DENND4B: variants seen among roughly 807,000 people sequenced by gnomAD.
The protein encoded by DENND4B is DENN domain containing 4B.
Under a neutral mutation model 161.0 loss-of-function variants are expected in DENND4B, and 67 were observed. The observed-to-expected ratio is 0.42, with a 90% CI of 0.34 to 0.51. The LOEUF is 0.51. Among genes scored for constraint, DENND4B ranks in the 20% least tolerant of loss-of-function variants. The pLI, the probability that DENND4B is intolerant of heterozygous loss-of-function variation, is 0.08. For missense variants in DENND4B, 1,481 were observed against 1,968.0 expected (o/e 0.75, Z 4.68); for synonymous variants, 753 against 813.8 (o/e 0.93, Z 1.27).
In DENND4B at chr1:153,941,362, C is replaced by T; in HGVS notation, c.1122+12G>A. ...CTCCTTCCATCAGCCCGGCCCCAGC[C>T]TCAGCTCTCACCTGCACTAGGATGC... On this transcript the variant is annotated intron_variant, in intron 7 of 27. Coordinates refer to ENST00000361217, the MANE Select transcript of DENND4B (RefSeq NM_014856.3). 6.2e-7 allele frequency: 1 copy of T among 1,613,572 alleles called. No individual in the cohort carries two copies. The highest frequency in any genetic ancestry group is 8.5e-7 in the Non-Finnish European group (1 of 1,179,748).
At chr1:153,941,732 T>C in intron 6 of DENND4B, 137 bp downstream of exon 6, 6 of 1,431,158 alleles carry the variant, frequency 4.2e-6, no homozygotes, top group Non-Finnish European at 5.6e-6. Flanking sequence ...GTGGATAAAC[T>C]GTATAACCAC....
At chr1:153,946,805 C>T (rs896928058), upstream of DENND4B, 3 of 362,362 alleles carry the variant, frequency 8.3e-6, no homozygotes, top group African/African-American at 6.3e-5. The surrounding 1 kb of genome is among the most constrained non-coding windows in gnomAD (Gnocchi z 6.3). Context: ...CCAGCCCGTG[C>T]CTCAGGACAC....
chr1:153,945,017 G>A, intron 1 of DENND4B: 2 of 1,144,552 alleles, frequency 1.7e-6, no homozygotes, highest in Non-Finnish European at 2.3e-6. Context: ...CACACCTCCA[G>A]GATCCTTAGG....
At position 153,936,017 on chromosome 1, in the gene DENND4B, C is replaced by T; in HGVS notation, c.2568+43G>A. ...GCAGCAGCAGCCTCCCCTCACACAC[C>T]CTGGCACAGCTGCCATCCCACCCCT... On this transcript the variant is annotated intron_variant, in intron 17 of 27. Coordinates refer to ENST00000361217, the MANE Select transcript of DENND4B (RefSeq NM_014856.3). The surrounding 1 kb of genome is among the most constrained non-coding windows in gnomAD (Gnocchi z 4.1). 1.9e-6 allele frequency: 3 copies of T among 1,608,494 alleles called. No individual in the cohort carries two copies. In the South Asian group the frequency reaches 3.3e-5, roughly 18 times the overall value.
Position 153,936,400 on chromosome 1 carries a change from GA to G in DENND4B, c.2439+141del. On this transcript the variant is annotated intron_variant, in intron 16 of 27. Transcript: ENST00000361217. This position sits in a 1 kb window ranked among gnomAD's most constrained non-coding sequence, Gnocchi z 4.1. ...CCCTGAACATGCTTATTCACTCGAC[GA>G]ATGTTTATAGATAATCTGCCCAGCT... 8.7e-7 allele frequency: 1 copy of G among 1,150,908 alleles called. No individual in the cohort carries two copies. The highest frequency in any genetic ancestry group is 1.2e-6 in the Non-Finnish European group (1 of 823,412). The allele number at this position is 1,150,908 out of a possible 1,614,324, so 71.3% of individuals were successfully genotyped here.
chr1:153,931,304 G>A (rs1027854064), intron 24 of DENND4B, among the ~76,000 whole-genome samples: 1 of 152,118 alleles, frequency 6.6e-6, no homozygotes, highest in Non-Finnish European at 1.5e-5. Flanking sequence ...CTCAATACTG[G>A]TGGAACGAAT....
Position 153,932,047 on chromosome 1 carries a change from T to C in DENND4B, c.3996+157A>G, listed in dbSNP as rs1678982621. 1.5e-6 allele frequency: 1 copy of C among 654,470 alleles called. No homozygotes were observed. The highest frequency in any genetic ancestry group is 2.9e-5 in the Admixed American group (1 of 34,292). 40.5% of individuals were successfully genotyped at this position (654,470 alleles called of 1,614,324 possible). ...GTCTCGAACTCCTGACCTCAGGTGA[T>C]TCGCCCACCTCGGCCTCCCAAAGTG... On this transcript the variant is annotated intron_variant, in intron 24 of 27. Coordinates refer to ENST00000361217, the MANE Select transcript of DENND4B (RefSeq NM_014856.3). The surrounding 1 kb of genome is among the most constrained non-coding windows in gnomAD (Gnocchi z 5.8).
rs1432187726 is a variant in DENND4B, at chr1:153,944,072, G to A, written c.303C>T (p.Pro101=). ...GGGGCACACACCCCAGCTCAACGAG[G>A]GGGGGCTTGTCACGGCCCCTGCGGT... The part of the protein sequence containing the change: ...ICYRRGRDKP[P]LVELGVLYEG... Residue 101 remains proline (P), a synonymous_variant, in exon 2 of 28, where the codon CCC becomes CCT. Coordinates refer to ENST00000361217, the MANE Select transcript of DENND4B (RefSeq NM_014856.3). This position sits in a 1 kb window ranked among gnomAD's most constrained non-coding sequence, Gnocchi z 4.8. 1 of 1,573,368 alleles carries A rather than the reference G, an allele frequency of 6.4e-7. No individual in the cohort carries two copies. The highest frequency in any genetic ancestry group is 1.2e-5 in the South Asian group (1 of 85,814).
intron 24 of DENND4B, among the ~76,000 whole-genome samples, chr1:153,931,590 T>C (rs545088956): frequency 1.3e-5 from 2 of 148,936 alleles, no homozygotes; most frequent in East Asian, 4.1e-4. Flanking sequence ...CTTCGCCTCC[T>C]GGGTTCACGC....
intron 1 of DENND4B, chr1:153,945,397 G>A (rs1571062660): frequency 3.2e-6 from 1 of 314,394 alleles, no homozygotes; most frequent in Non-Finnish European, 6.4e-6. Context: ...ATTACGCCAA[G>A]TTGGAATCTC....
chr1:153,941,244 G>T lies in DENND4B; in HGVS notation c.1168C>A (p.Pro390Thr). 1 of 1,613,904 alleles carries T rather than the reference G, an allele frequency of 6.2e-7. No homozygotes were observed. The highest frequency in any genetic ancestry group is 8.5e-7 in the Non-Finnish European group (1 of 1,179,852). ...NLLLCQPVSS[P>T]LPLSGASFLQ... Reference sequence around the variant, plus strand: ...CTGATCACATACCTGAGGGGCAGGGGTGAGGATACAGGCTGACAGAGGAGC... The same window carrying T: ...CTGATCACATACCTGAGGGGCAGGGTTGAGGATACAGGCTGACAGAGGAGC... Residue 390 changes from proline (P) to threonine (T), a missense_variant, in exon 8 of 28, where the codon CCC becomes ACC. This residue lies in a region of DENND4B where 806 missense variants were observed against 1,134.4 expected (regional missense o/e 0.71). Transcript: ENST00000361217.
rs530528000 is a variant in DENND4B at position 153,936,501 on chromosome 1, C to T, written c.2439+41G>A. ...CAGCCCTCTCCAGCTGCACAAGGCT[C>T]ACTGGGCCTGGGTATGAGCATGGTC... On this transcript the variant is annotated intron_variant, in intron 16 of 27. Transcript: ENST00000361217. This position sits in a 1 kb window ranked among gnomAD's most constrained non-coding sequence, Gnocchi z 4.1. 3.6e-5 allele frequency: 54 copies of T among 1,511,442 alleles called. 2 individuals carry two copies. The South Asian group carries it at 6.6e-4, about 18-fold the overall frequency. 93.6% of individuals were successfully genotyped at this position (1,511,442 alleles called of 1,614,324 possible). A position where few individuals can be genotyped will look rare whatever the true frequency, so the allele number is the denominator to read the frequency against.
At position 153,941,491 on chromosome 1, in the gene DENND4B, C is replaced by T. The variant is rs181016435; in HGVS notation, c.1056-51G>A. ...GCATACTCCCCCGTCCATCCCTGTC[C>T]TCCCTCCACATTTTCTCAGCTCTTT... is the stretch of plus-strand genomic sequence containing the variant. On this transcript the variant is annotated intron_variant, in intron 6 of 27. Transcript: ENST00000361217. 2.6e-6 allele frequency: 4 copies of T among 1,548,314 alleles called. No homozygotes were observed. In the African/African-American group the frequency reaches 4.1e-5, roughly 16 times the overall value.
chr1:153,931,069 G>A lies in DENND4B; in HGVS notation c.3997-5C>T. Reference sequence around the variant, plus strand: ...GGTTAGCCAAGGAGATGGGGCCTGGGGGAGCCAAGATAGTGGAGACAGTTA... The same window carrying A: ...GGTTAGCCAAGGAGATGGGGCCTGGAGGAGCCAAGATAGTGGAGACAGTTA... On this transcript the variant is annotated splice_polypyrimidine_tract_variant and splice_region_variant and intron_variant, in intron 24 of 27. Transcript: ENST00000361217. The A allele has an allele frequency of 6.2e-7, 1 of 1,605,768 alleles. No individual in the cohort carries two copies. The highest frequency in any genetic ancestry group is 1.3e-5 in the African/African-American group (1 of 74,792).
In DENND4B at chr1:153,933,730, TG is replaced by T; in HGVS notation, c.3082del (p.Gln1028SerfsTer9). 6.3e-7 allele frequency: 1 copy of T among 1,595,336 alleles called. No individual in the cohort carries two copies. Among genetic ancestry groups the T allele is most frequent in the Non-Finnish European group, 8.5e-7 (1 of 1,171,456 alleles). ...TAGCCCTTCCAGGGCCTCAGTGGAC[TG>T]GGCACTCAGGGCTGAGCCTGAGCCC... is the stretch of plus-strand genomic sequence containing the variant. ...PGGSGSALSA[Q>X]STEALEGLSG... On this transcript the variant is annotated frameshift_variant, in exon 20 of 28. Coordinates refer to ENST00000361217, the MANE Select transcript of DENND4B (RefSeq NM_014856.3). LOFTEE classifies it high-confidence loss of function. The surrounding 1 kb of genome is among the most constrained non-coding windows in gnomAD (Gnocchi z 5.7).
Position 153,944,126 on chromosome 1 carries a change from A to C in DENND4B, c.249T>G (p.Leu83=). The change falls in exon 2 of 28, where the codon CTT becomes CTG. Residue 83 remains leucine (L), a synonymous_variant. Transcript: ENST00000361217. This position sits in a 1 kb window ranked among gnomAD's most constrained non-coding sequence, Gnocchi z 4.8. The part of the protein sequence containing the change: ...GGHPLELSAG[L]LGGTQPVICY... Reference sequence around the variant, plus strand: ...AGATGACGGGTTGAGTTCCACCCAGAAGTCCAGCACTGAGTTCCAAGGGGT... The same window carrying C: ...AGATGACGGGTTGAGTTCCACCCAGCAGTCCAGCACTGAGTTCCAAGGGGT... 1 of 1,610,666 alleles carries C rather than the reference A, an allele frequency of 6.2e-7. No individual in the cohort carries two copies. Among genetic ancestry groups the C allele is most frequent in the Non-Finnish European group, 8.5e-7 (1 of 1,178,276 alleles).
rs1199109126 is a variant in DENND4B at position 153,930,775 on chromosome 1, A to G, written c.4197T>C (p.His1399=). The part of the protein sequence containing the change: ...SLALLESVLR[H]VGLNEVHKAV... ...CCTTGTGCACTTCATTGAGTCCAACATGGCGCAGCACTGACTCCAACAGTG... is the reference window on the plus strand; with the variant it reads ...CCTTGTGCACTTCATTGAGTCCAACGTGGCGCAGCACTGACTCCAACAGTG... Residue 1399 remains histidine, a synonymous_variant, in exon 26 of 28, where the codon CAT becomes CAC. Coordinates refer to ENST00000361217, the MANE Select transcript of DENND4B (RefSeq NM_014856.3). The surrounding 1 kb of genome is among the most constrained non-coding windows in gnomAD (Gnocchi z 4.7). 1 of 1,609,516 alleles carries G rather than the reference A, an allele frequency of 6.2e-7. No individual in the cohort carries two copies. Among genetic ancestry groups the G allele is most frequent in the East Asian group, 2.2e-5 (1 of 44,762 alleles).
Position 153,934,639 on chromosome 1 carries a change from G to A in DENND4B, c.2773+121C>T. 1.4e-6 allele frequency: 2 copies of A among 1,462,068 alleles called. No individual in the cohort carries two copies. Among genetic ancestry groups the A allele is most frequent in the South Asian group, 2.7e-5 (2 of 75,266 alleles). 90.6% of individuals were successfully genotyped at this position (1,462,068 alleles called of 1,614,324 possible). A position where few individuals can be genotyped will look rare whatever the true frequency, so the allele number is the denominator to read the frequency against. On this transcript the variant is annotated intron_variant, in intron 18 of 27. Coordinates refer to ENST00000361217, the MANE Select transcript of DENND4B (RefSeq NM_014856.3). This position sits in a 1 kb window ranked among gnomAD's most constrained non-coding sequence, Gnocchi z 5.3. ...TTATCCCTTTTGTTACCAGTCAAGT[G>A]TAATTTATCAATCCCCAGAAACCCA...
At position 153,933,046 on chromosome 1, in the gene DENND4B, G is replaced by C; in HGVS notation, c.3454-16C>G. 1 of 1,612,184 alleles carries C rather than the reference G, an allele frequency of 6.2e-7. No homozygotes were observed. The highest frequency in any genetic ancestry group is 8.5e-7 in the Non-Finnish European group (1 of 1,178,600). ...ACAGCAGAATCTGTGGGCAGGGAGA[G>C]TCGGGAAGTAGGTGCTGTCTGGCCG... On this transcript the variant is annotated splice_polypyrimidine_tract_variant and intron_variant, in intron 21 of 27. Coordinates refer to ENST00000361217, the MANE Select transcript of DENND4B (RefSeq NM_014856.3). The surrounding 1 kb of genome is among the most constrained non-coding windows in gnomAD (Gnocchi z 5.7).
Sources: gnomAD v4.1 joint callset for allele counts (sites outside exome capture counted in the v4.1 genomes callset) on GRCh38, gnomAD v4.1.1 for gene constraint, gnomAD v4.1.1 regional missense constraint, Gnocchi (gnomAD v3.1) non-coding constraint, MANE v1.5 for transcripts, NCBI Gene and HGNC (gene_info 2026-07-23, HGNC 2026-07-21) for gene names.